The following ANO3 variants were observed in gnomAD, a reference collection of about 807,000 sequenced individuals.
The protein encoded by ANO3 is anoctamin 3, also known as anoctamin-3.
Under a neutral mutation model 144.8 loss-of-function variants are expected in ANO3, and 99 were observed. That is an observed-to-expected ratio of 0.68 (90% CI 0.58 to 0.81). The LOEUF is 0.81. ANO3 is among the 30% of genes least tolerant of loss of function. The probability of loss-of-function intolerance (pLI) is 0.00; values close to 1 mark genes in which losing one functional copy is unlikely to be tolerated. For missense variants in ANO3, 905 were observed against 1,202.2 expected, an observed-to-expected ratio of 0.75 and a Z score of 3.66; for synonymous variants, 414 against 392.6, an observed-to-expected ratio of 1.05 and a Z score of -0.64.
chr11:26,423,557 T>A (rs1038177038), intron 1 of ANO3, among the ~76,000 whole-genome samples: 145 of 152,034 alleles, frequency 9.5e-4, no homozygotes, highest in African/African-American at 3.3e-3. Flanking sequence ...TCAATTTTTT[T>A]TAAAAAAAAG....
intron 1 of ANO3, among the ~76,000 whole-genome samples, chr11:26,374,047 G>T (rs1188549116): frequency 6.6e-6 from 1 of 152,156 alleles, no homozygotes; most frequent in Non-Finnish European, 1.5e-5. Context: ...AATGGTATCA[G>T]CCTTTGTTGA....
intron 1 of ANO3, among the ~76,000 whole-genome samples, chr11:26,252,418 G>A (rs542013901): frequency 1.3e-5 from 2 of 152,284 alleles, no homozygotes; most frequent in South Asian, 4.1e-4. Context: ...AGTGAGGCCA[G>A]TAAGAACTCT....
intron 17 of ANO3, among the ~76,000 whole-genome samples, chr11:26,622,118 T>C (rs900113703): frequency 6.6e-6 from 1 of 152,192 alleles, no homozygotes; most frequent in Admixed American, 6.5e-5. Flanking sequence ...TCAGTGATGT[T>C]GCCAGTCAGC....
In ANO3 at chr11:26,572,264, A is replaced by G. The variant is rs190648187; in HGVS notation, c.1447+12485A>G. ...GACCTGCTTCTCAGCTGTAAGCATT[A>G]AGATATCACCTCATTCAGGCCTTTA... On this transcript the variant is annotated intron_variant, in intron 14 of 26. Transcript: ENST00000256737. 4.1e-5 allele frequency: 40 copies of G among 984,574 alleles called. No individual in the cohort carries two copies. The African/African-American group carries it at 6.5e-4, about 16-fold the overall frequency. 61.0% of individuals were successfully genotyped at this position (984,574 alleles called of 1,614,324 possible). A position where few individuals can be genotyped will look rare whatever the true frequency, so the allele number is the denominator to read the frequency against.
At chr11:26,634,099 T>C (rs946218288) in intron 18 of ANO3, 105 bp from the exon 19 acceptor site, 1 of 447,672 alleles carries the variant, frequency 2.2e-6, no homozygotes, top group Admixed American at 4.1e-5. Flanking sequence ...AAAAAAAAAA[T>C]TAAATTAAAA....
intron 18 of ANO3, among the ~76,000 whole-genome samples, chr11:26,627,213 G>C (rs1304134796): frequency 6.6e-6 from 1 of 151,916 alleles, no homozygotes. Flanking sequence ...TTTGGAGTTG[G>C]ATATAGCAAT....
At chr11:26,392,632 AC>A (rs1317341813) in intron 1 of ANO3, among the ~76,000 whole-genome samples, 2 of 152,154 alleles carry the variant, frequency 1.3e-5, no homozygotes, top group African/African-American at 4.8e-5. Context: ...GTACAAAAGT[AC>A]AGTAAAAGTG....
intron 1 of ANO3, among the ~76,000 whole-genome samples, chr11:26,274,385 T>C (rs910663672): frequency 2.6e-5 from 4 of 152,172 alleles, no homozygotes; most frequent in African/African-American, 4.8e-5. Flanking sequence ...TCATAACTTA[T>C]GTGTGTATGT....
intron 1 of ANO3, among the ~76,000 whole-genome samples, chr11:26,384,440 T>C (rs1350775798): frequency 6.6e-6 from 1 of 152,070 alleles, no homozygotes; most frequent in Non-Finnish European, 1.5e-5. Flanking sequence ...GCTCAAAAAT[T>C]GTAGGTACTG....
At chr11:26,340,335 G>A (rs1855323790) in intron 1 of ANO3, among the ~76,000 whole-genome samples, 1 of 152,174 alleles carries the variant, frequency 6.6e-6, no homozygotes, top group Non-Finnish European at 1.5e-5. Flanking sequence ...CTTTCTAAAT[G>A]TATGCACAAG....
intron 1 of ANO3, among the ~76,000 whole-genome samples, chr11:26,293,120 T>C (rs983084584): frequency 6.6e-6 from 1 of 152,196 alleles, no homozygotes; most frequent in Non-Finnish European, 1.5e-5. Flanking sequence ...CTCTAATGAA[T>C]ATATTTAATA....
intron 13 of ANO3, among the ~76,000 whole-genome samples, chr11:26,553,669 G>A (rs1352185693): frequency 6.6e-6 from 1 of 152,020 alleles, no homozygotes; most frequent in Non-Finnish European, 1.5e-5. Flanking sequence ...TACGTTACAT[G>A]AAAACTTATG....
intron 1 of ANO3, among the ~76,000 whole-genome samples, chr11:26,193,693 A>T (rs1268574579): frequency 3.9e-5 from 6 of 152,188 alleles, no homozygotes; most frequent in Non-Finnish European, 8.8e-5. Context: ...ATTTTTTTAC[A>T]ATTCATAAAT....
At position 26,211,179 on chromosome 11, in the gene ANO3, A is replaced by C. The variant is rs557191410; in HGVS notation, c.154+21849A>C. On this transcript the variant is annotated intron_variant, in intron 1 of 27. Coordinates refer to the ANO3 transcript ENST00000672621. The stretch of plus-strand genomic sequence containing the variant: ...AGTCTCTTAGAACACAGTGCAATCA[A>C]AATAGAACTCAGGATGAAGAAACCC... 4.6e-5 allele frequency among the ~76,000 whole-genome samples: 7 copies of C among 152,318 alleles called. No homozygotes were observed. In the East Asian group the frequency reaches 1.3e-3, roughly 29 times the overall value.
intron 5 of ANO3, among the ~76,000 whole-genome samples, chr11:26,515,066 T>C (rs1355719081): frequency 6.6e-6 from 1 of 152,066 alleles, no homozygotes; most frequent in Non-Finnish European, 1.5e-5. Context: ...ATGTGTAACC[T>C]TGGTTGGTCT....
chr11:26,569,007 T>TG (rs368957069), intron 14 of ANO3, among the ~76,000 whole-genome samples: 111 of 152,098 alleles, frequency 7.3e-4, no homozygotes, highest in Middle Eastern at 3.4e-3. Context: ...TGGTCACCAG[T>TG]GGGGGGAAAA....
chr11:26,410,651 G>C (rs1857404882), intron 1 of ANO3, among the ~76,000 whole-genome samples: 1 of 151,996 alleles, frequency 6.6e-6, no homozygotes, highest in South Asian at 2.1e-4. Context: ...GCTGTCACAT[G>C]GAAGAAAGAC....
At chr11:26,263,246 G>T (rs1028845166) in intron 1 of ANO3, among the ~76,000 whole-genome samples, 10 of 152,152 alleles carry the variant, frequency 6.6e-5, no homozygotes, top group African/African-American at 2.4e-4. Flanking sequence ...GCAAACCAAT[G>T]AGTCAAATTA....
intron 1 of ANO3, among the ~76,000 whole-genome samples, chr11:26,298,102 G>T (rs1269325537): frequency 1.3e-5 from 2 of 152,164 alleles, no homozygotes; most frequent in Non-Finnish European, 2.9e-5. Context: ...TTGAGAAATA[G>T]AATACTAGAG....
Sources: gnomAD v4.1 joint callset for allele counts (sites outside exome capture counted in the v4.1 genomes callset) on GRCh38, gnomAD v4.1.1 for gene constraint, MANE v1.5 for transcripts, NCBI Gene and HGNC (gene_info 2026-07-23, HGNC 2026-07-21) for gene names.